Variants in METAP1 observed in about 807,000 individuals in gnomAD.
METAP1 encodes the protein methionine aminopeptidase 1.
Under a neutral mutation model 53.8 loss-of-function variants are expected in METAP1, and 28 were observed. That is an observed-to-expected ratio of 0.52 (90% CI 0.39 to 0.71). The LOEUF (loss-of-function observed/expected upper bound fraction) is 0.71, where lower values mean the gene tolerates loss of function less well. Ranked by LOEUF, METAP1 falls within the 30% of genes least tolerant of loss-of-function variation. The pLI, the probability that METAP1 is intolerant of heterozygous loss-of-function variation, is 0.00. For missense variants in METAP1, 389 were observed against 479.8 expected, an observed-to-expected ratio of 0.81 and a Z score of 1.77; for synonymous variants, 181 against 165.7, an observed-to-expected ratio of 1.09 and a Z score of -0.71.
intron 6 of METAP1, among the ~76,000 whole-genome samples, chr4:99,041,478 C>T (rs992403826): frequency 1.3e-5 from 2 of 151,958 alleles, no homozygotes; most frequent in Non-Finnish European, 2.9e-5. Context: ...AAGAATATGA[C>T]TTCTGATGGT....
chr4:99,046,960 A>G (rs570553150), intron 8 of METAP1, among the ~76,000 whole-genome samples: 2,659 of 148,454 alleles, frequency 0.018, 38 homozygotes, highest in Non-Finnish European at 0.03. Context: ...AAAAAAAAAG[A>G]AAAAGAAAAA....
chr4:99,047,728 G>T (rs1366094930), intron 8 of METAP1, among the ~76,000 whole-genome samples: 2 of 152,190 alleles, frequency 1.3e-5, no homozygotes, highest in Non-Finnish European at 2.9e-5. Context: ...GAGCCATCTT[G>T]AGGTTCTCTA....
intron 7 of METAP1, 145 bp from the exon 8 acceptor site, chr4:99,045,034 A>G: frequency 1.3e-6 from 1 of 757,524 alleles, no homozygotes; most frequent in African/African-American, 1.8e-5. Context: ...TCTGTTGGGC[A>G]ATAACTATCT....
rs1579243139 is a variant in METAP1, at chr4:99,008,069, A to T, written c.114+12202A>T. Among the ~76,000 whole-genome samples the T allele has an allele frequency of 3.3e-5, 5 of 152,366 alleles. 1 individual carries two copies. The Middle Eastern group carries it at 0.014, about 415-fold the overall frequency. On this transcript the variant is annotated intron_variant, in intron 1 of 10. Coordinates refer to ENST00000296411, the MANE Select transcript of METAP1 (RefSeq NM_015143.3). ...CTAAAGAACAGTTTTTAAAAGCAGC[A>T]CACTAAGTAGCTGAACAATGTACTA...
At chr4:99,013,774 TCCTG>T (rs1482897394) in intron 1 of METAP1, among the ~76,000 whole-genome samples, 1 of 152,214 alleles carries the variant, frequency 6.6e-6, no homozygotes, top group African/African-American at 2.4e-5. Context: ...ATGGCATGTA[TCCTG>T]ATCTGGGACT....
At chr4:99,022,609 T>C in intron 1 of METAP1, 2 of 711,448 alleles carry the variant, frequency 2.8e-6, no homozygotes, top group East Asian at 2.5e-5. Context: ...CTGAGTGACC[T>C]CCACTCTCAG....
At chr4:99,001,090 C>T (rs1015260399) in intron 1 of METAP1, among the ~76,000 whole-genome samples, 10 of 152,200 alleles carry the variant, frequency 6.6e-5, no homozygotes, top group Admixed American at 5.9e-4. Flanking sequence ...AAATGCAACC[C>T]TGCCCTCTGA....
At chr4:99,033,252 A>AT (rs763854019) in intron 2 of METAP1, among the ~76,000 whole-genome samples, 253 of 137,020 alleles carry the variant, frequency 1.8e-3, no homozygotes, top group Middle Eastern at 3.7e-3. Flanking sequence ...GGGGAGTTTT[A>AT]TTTTTTTTTT....
intron 7 of METAP1, 84 bp downstream of exon 7, chr4:99,043,471 A>G: frequency 7.2e-7 from 1 of 1,384,812 alleles, no homozygotes; most frequent in Non-Finnish European, 9.8e-7. Flanking sequence ...TGTTTTCTTG[A>G]CTTGCTTCCT....
intron 1 of METAP1, among the ~76,000 whole-genome samples, chr4:99,018,444 G>A (rs1376671395): frequency 6.6e-6 from 1 of 152,182 alleles, no homozygotes; most frequent in Non-Finnish European, 1.5e-5. Context: ...TAGAGCATGA[G>A]TAAAAATATT....
chr4:99,003,802 C>T (rs1579235506), intron 1 of METAP1, among the ~76,000 whole-genome samples: 4 of 152,288 alleles, frequency 2.6e-5, no homozygotes, highest in South Asian at 4.1e-4. Flanking sequence ...CACCACCAAG[C>T]GAGCAATCAT....
chr4:99,055,420 A>G (rs1252208975), intron 9 of METAP1, among the ~76,000 whole-genome samples: 2 of 151,898 alleles, frequency 1.3e-5, no homozygotes, highest in Non-Finnish European at 2.9e-5. Context: ...AAAAGAAAGA[A>G]GGAAGCAGTA....
At chr4:99,019,473 G>T (rs569429943) in intron 1 of METAP1, among the ~76,000 whole-genome samples, 144 of 152,176 alleles carry the variant, frequency 9.5e-4, no homozygotes, top group African/African-American at 3.4e-3. Flanking sequence ...CCCCCTTCTT[G>T]TTCTATTCTG....
At chr4:98,998,879 C>T (rs577503612) in intron 1 of METAP1, among the ~76,000 whole-genome samples, 7 of 151,462 alleles carry the variant, frequency 4.6e-5, no homozygotes, top group South Asian at 4.2e-4. Flanking sequence ...GGTGCGATCT[C>T]GACTCACCGC....
chr4:99,061,463 T>C lies in METAP1; in HGVS notation c.*146T>C. 1 of 664,428 alleles carries C rather than the reference T, an allele frequency of 1.5e-6. No individual in the cohort carries two copies. Among genetic ancestry groups the C allele is most frequent in the Non-Finnish European group, 2.3e-6 (1 of 430,152 alleles). 41.2% of individuals were successfully genotyped at this position (664,428 alleles called of 1,614,324 possible). On this transcript the variant is annotated 3_prime_UTR_variant, in exon 11 of 11. Coordinates refer to ENST00000296411, the MANE Select transcript of METAP1 (RefSeq NM_015143.3). ...GGACTACAGCATTTGATGTGTGTCCTCAAGAACTTGTCTTGGGTCTGAAAA... is the reference window on the plus strand; with the variant it reads ...GGACTACAGCATTTGATGTGTGTCCCCAAGAACTTGTCTTGGGTCTGAAAA...
intron 9 of METAP1, among the ~76,000 whole-genome samples, chr4:99,051,094 C>T (rs1726663574): frequency 6.6e-6 from 1 of 152,118 alleles, no homozygotes; most frequent in Non-Finnish European, 1.5e-5. Context: ...AGTAGCTATT[C>T]TAGTTACAGT....
At chr4:99,005,532 G>C (rs549299530) in intron 1 of METAP1, among the ~76,000 whole-genome samples, 2 of 152,266 alleles carry the variant, frequency 1.3e-5, no homozygotes, top group South Asian at 4.1e-4. Context: ...CACTGCTGGT[G>C]GGAATGTAAT....
intron 6 of METAP1, 50 bp from the exon 7 acceptor site, chr4:99,043,195 TTTCA>T: frequency 3.0e-6 from 4 of 1,326,626 alleles, no homozygotes; most frequent in Non-Finnish European, 3.1e-6. Flanking sequence ...AAATCTGTAA[TTTCA>T]TACAGATTTT....
chr4:99,034,539 T>G (rs1725288908), intron 3 of METAP1, among the ~76,000 whole-genome samples, 197 bp downstream of exon 3: 1 of 152,122 alleles, frequency 6.6e-6, no homozygotes, highest in Non-Finnish European at 1.5e-5. Context: ...GGGAAAAATT[T>G]TAGATGAAAG....
Sources: allele counts gnomAD v4.1 joint callset (sites outside exome capture counted in the v4.1 genomes callset), GRCh38; gene constraint gnomAD v4.1.1; transcripts MANE v1.5; gene names NCBI Gene and HGNC (gene_info 2026-07-23, HGNC 2026-07-21).